Variants in SLC15A1 observed in about 807,000 individuals in gnomAD.
SLC15A1 encodes the protein Caco-2 oligopeptide transporter.
A neutral mutation model predicts 92.9 loss-of-function variants in SLC15A1; 83 were observed. The ratio of observed to expected loss-of-function variants is 0.89; its 90% CI spans 0.75 to 1.07. The LOEUF is 1.07. SLC15A1 is among the 50% of genes least tolerant of loss of function. The probability of loss-of-function intolerance (pLI) is 0.00; values close to 1 mark genes in which losing one functional copy is unlikely to be tolerated. For synonymous variants in SLC15A1, 322 were observed against 318.2 expected (o/e 1.01, Z -0.13); for missense variants, 857 against 880.1 (o/e 0.97, Z 0.33).
At chr13:98,713,265 T>C (rs1376825817) in intron 9 of SLC15A1, among the ~76,000 whole-genome samples, 1 of 152,146 alleles carries the variant, frequency 6.6e-6, no homozygotes. Flanking sequence ...TTTTGCCATT[T>C]TGTCCAGACT....
chr13:98,720,368 A>G (rs952057719), intron 7 of SLC15A1, among the ~76,000 whole-genome samples: 3 of 152,244 alleles, frequency 2.0e-5, no homozygotes, highest in African/African-American at 7.2e-5. Context: ...ACCCTCTAGT[A>G]GAACATAGAG....
At chr13:98,724,178 C>T (rs1053092231) in intron 4 of SLC15A1, 147 bp from the exon 5 acceptor site, 89 of 1,050,584 alleles carry the variant, frequency 8.5e-5, no homozygotes, top group Middle Eastern at 6.4e-4. Flanking sequence ...ACACTGTTAA[C>T]TCTCAGGAAC....
chr13:98,725,679 A>G (rs1460161096), intron 4 of SLC15A1, among the ~76,000 whole-genome samples: 1 of 152,200 alleles, frequency 6.6e-6, no homozygotes, highest in African/African-American at 2.4e-5. Context: ...GGGACAGGAT[A>G]CTGAGCAGAA....
chr13:98,750,647 C>T (rs1477270468), intron 1 of SLC15A1, among the ~76,000 whole-genome samples: 5 of 152,116 alleles, frequency 3.3e-5, no homozygotes, highest in Non-Finnish European at 7.3e-5. Context: ...CTCTAAGGAC[C>T]ACGTCCTTTT....
intron 1 of SLC15A1, among the ~76,000 whole-genome samples, chr13:98,734,015 G>A (rs1277663252): frequency 2.0e-5 from 3 of 152,156 alleles, no homozygotes; most frequent in Non-Finnish European, 4.4e-5. Flanking sequence ...ACCCAGGCTG[G>A]AGAGCAGTGG....
At position 98,734,359 on chromosome 13, in the gene SLC15A1, G is replaced by C. The variant is rs115527745; in HGVS notation, c.5-7500C>G. Among the ~76,000 whole-genome samples, 348 of 152,316 alleles carry C rather than the reference G, an allele frequency of 2.3e-3. 5 individuals carry two copies. Among genetic ancestry groups the C allele is most frequent in the African/African-American group, 7.8e-3 (325 of 41,588 alleles). ...AGCTCTGGTCTGCAGGTCTCAGCGT[G>C]ATCAACACAGAAGATGGCTGATTTC... On this transcript the variant is annotated intron_variant, in intron 1 of 22. Coordinates refer to ENST00000376503, the MANE Select transcript of SLC15A1 (RefSeq NM_005073.4).
chr13:98,693,040 A>AG (rs1216221316), intron 18 of SLC15A1, among the ~76,000 whole-genome samples: 1 of 148,906 alleles, frequency 6.7e-6, no homozygotes, highest in Non-Finnish European at 1.5e-5. Flanking sequence ...TGCCCAGCCA[A>AG]GGGGTCCAGT....
At chr13:98,704,544 C>A in intron 16 of SLC15A1, 109 bp from the exon 17 acceptor site, 1 of 1,151,110 alleles carries the variant, frequency 8.7e-7, no homozygotes, top group Non-Finnish European at 1.2e-6. Flanking sequence ...GGTTCATGTT[C>A]ATAGATACCA....
chr13:98,723,815 T>G lies in SLC15A1; in HGVS notation c.365+97A>C. On this transcript the variant is annotated intron_variant, in intron 5 of 22. Coordinates refer to ENST00000376503, the MANE Select transcript of SLC15A1 (RefSeq NM_005073.4). ...CCAAGGGGGAGGAAAAACCTCCTTA[T>G]GCTCTCAGTGAAGTTCAAGGAAAAA... The G allele has an allele frequency of 3.2e-6, 5 of 1,548,964 alleles. No individual in the cohort carries two copies. The South Asian group carries it at 6.1e-5, about 19-fold the overall frequency.
chr13:98,718,061 G>C (rs2088224837), intron 8 of SLC15A1, among the ~76,000 whole-genome samples: 1 of 152,028 alleles, frequency 6.6e-6, no homozygotes, highest in Admixed American at 6.6e-5. Context: ...GGGGGGAGGT[G>C]ATACTAGTTT....
chr13:98,696,433 A>AC (rs200510952), intron 18 of SLC15A1, among the ~76,000 whole-genome samples: 3,133 of 151,718 alleles, frequency 0.021, 45 homozygotes, highest in Middle Eastern at 0.051. Context: ...AACAACAACA[A>AC]AAAAAAACCC....
intron 18 of SLC15A1, among the ~76,000 whole-genome samples, chr13:98,689,101 G>A (rs1335126502): frequency 6.6e-6 from 1 of 152,046 alleles, no homozygotes; most frequent in African/African-American, 2.4e-5. Flanking sequence ...CACCACACCC[G>A]GCTCATTTTT....
intron 4 of SLC15A1, among the ~76,000 whole-genome samples, chr13:98,724,534 AGGG>A (rs1226139710): frequency 6.6e-6 from 1 of 152,142 alleles, no homozygotes; most frequent in Non-Finnish European, 1.5e-5. Context: ...TTTTGGCCAG[AGGG>A]CCAGGAGAGG....
intron 1 of SLC15A1, among the ~76,000 whole-genome samples, chr13:98,747,021 AG>A (rs2088498520): frequency 6.6e-6 from 1 of 152,138 alleles, no homozygotes; most frequent in South Asian, 2.1e-4. Flanking sequence ...CCGAGAGAAG[AG>A]GTGTGGCCCC....
chr13:98,705,302 A>G (rs1044454529), intron 16 of SLC15A1, among the ~76,000 whole-genome samples: 3 of 151,856 alleles, frequency 2.0e-5, no homozygotes, highest in African/African-American at 7.3e-5. Flanking sequence ...GTTGAGTACC[A>G]CGAATCCAGA....
chr13:98,695,020 C>CAAAAAAA (rs1170231960), intron 18 of SLC15A1, among the ~76,000 whole-genome samples: 7 of 73,642 alleles, frequency 9.5e-5, no homozygotes, highest in Non-Finnish European at 1.2e-4. Flanking sequence ...GACTCCGTCT[C>CAAAAAAA]AAAAAAAAAA....
At chr13:98,708,580 AAG>A in intron 15 of SLC15A1, 104 bp downstream of exon 15, 1 of 919,682 alleles carries the variant, frequency 1.1e-6, no homozygotes, top group Non-Finnish European at 1.6e-6. Context: ...TTTACAGAGA[AAG>A]ACCTTGGCCT....
In SLC15A1 at chr13:98,721,838, G is replaced by A. The variant is rs2088262130; in HGVS notation, c.431C>T (p.Ser144Phe). 6.2e-7 allele frequency: 1 copy of A among 1,614,172 alleles called. No individual in the cohort carries two copies. The highest frequency in any genetic ancestry group is 8.5e-7 in the Non-Finnish European group (1 of 1,180,044). Residue 144 changes from serine to phenylalanine, a missense_variant, in exon 6 of 23, where the codon TCT becomes TTT. By Grantham distance (155) the Ser-to-Phe change is radical (BLOSUM62 -2). Coordinates refer to ENST00000376503, the MANE Select transcript of SLC15A1 (RefSeq NM_005073.4). ...TTCAAACTGATCTCCACCAAACGCA[G>A]ACACACAGGGTTTGATTCCTCCAGT... ...LGTGGIKPCV[S>F]AFGGDQFEEG...
chr13:98,746,319 C>T (rs992728918), intron 1 of SLC15A1, among the ~76,000 whole-genome samples: 27 of 152,060 alleles, frequency 1.8e-4, no homozygotes, highest in Admixed American at 1.7e-3. Context: ...GTGAATAGTG[C>T]TTCAGTGAAC....
Sources: allele counts gnomAD v4.1 joint callset (sites outside exome capture counted in the v4.1 genomes callset), GRCh38; gene constraint gnomAD v4.1.1; transcripts MANE v1.5; gene names NCBI Gene and HGNC (gene_info 2026-07-23, HGNC 2026-07-21).